KYAT3: variants seen among roughly 807,000 people sequenced by gnomAD.
The protein encoded by KYAT3 is kynurenine aminotransferase 3, also known as kynurenine--oxoglutarate transaminase 3.
Under a neutral mutation model 59.0 loss-of-function variants are expected in KYAT3, and 50 were observed. That is an observed-to-expected ratio of 0.85 (90% CI 0.68 to 1.07). KYAT3 has a LOEUF of 1.07. Ranked by LOEUF, KYAT3 falls within the 50% of genes least tolerant of loss-of-function variation. The probability of loss-of-function intolerance (pLI) is 0.00; values close to 1 mark genes in which losing one functional copy is unlikely to be tolerated. For missense variants in KYAT3, 497 were observed against 533.3 expected (o/e 0.93, Z 0.67); for synonymous variants, 148 against 177.0 (o/e 0.84, Z 1.30).
In KYAT3 at chr1:88,974,863, G is replaced by A. The variant is rs185381040; in HGVS notation, c.100-5396C>T. Among the ~76,000 whole-genome samples, 109 of 152,272 alleles carry A rather than the reference G, an allele frequency of 7.2e-4. 1 individual carries two copies. The highest frequency in any genetic ancestry group is 2.5e-3 in the African/African-American group (102 of 41,540). On this transcript the variant is annotated intron_variant, in intron 2 of 13. Coordinates refer to ENST00000260508, the MANE Select transcript of KYAT3 (RefSeq NM_001008661.3). ...AGCACTCTGTAAAATGGACCAATCA[G>A]CACTCTGTAAAATGGACCAATCGGT...
chr1:88,950,951 C>CTG (rs1675642499), intron 10 of KYAT3, among the ~76,000 whole-genome samples: 3 of 152,210 alleles, frequency 2.0e-5, no homozygotes, highest in Admixed American at 2.0e-4. Context: ...TTCTCTCAAT[C>CTG]ATTCCATTCC....
intron 4 of KYAT3, 143 bp from the exon 5 acceptor site, chr1:88,965,121 G>A (rs1483723401): frequency 2.8e-5 from 17 of 614,334 alleles, no homozygotes; most frequent in Non-Finnish European, 4.0e-5. Context: ...ATTTTTTAAT[G>A]GCAATAAATT....
intron 5 of KYAT3, 141 bp downstream of exon 5, chr1:88,964,688 T>C: frequency 1.4e-6 from 1 of 703,294 alleles, no homozygotes; most frequent in Non-Finnish European, 2.5e-6. Context: ...TTAAGATTTG[T>C]GAACTTTACT....
intron 10 of KYAT3, among the ~76,000 whole-genome samples, chr1:88,950,817 C>A (rs1675635724): frequency 6.6e-6 from 1 of 152,200 alleles, no homozygotes; most frequent in African/African-American, 2.4e-5. Context: ...ACAAGCCAGA[C>A]CAAGTCACTC....
intron 2 of KYAT3, chr1:88,983,174 T>C: frequency 6.2e-7 from 1 of 1,612,624 alleles, no homozygotes; most frequent in Middle Eastern, 2.1e-4. Flanking sequence ...TGAATAGCTG[T>C]CTTTAGTAGA....
At position 88,951,150 on chromosome 1, in the gene KYAT3, A is replaced by G. The variant is rs896707210; in HGVS notation, c.955-1873T>C. ...CAAAGATTACCCTATTTAACACTGT[A>G]TATCTCCCACCTGGAGCTTTATATC... On this transcript the variant is annotated intron_variant, in intron 10 of 13. Transcript: ENST00000260508. Among the ~76,000 whole-genome samples, 13 of 152,156 alleles carry G rather than the reference A, an allele frequency of 8.5e-5. 1 individual carries two copies. The highest frequency in any genetic ancestry group is 5.8e-4 in the East Asian group (3 of 5,180).
intron 2 of KYAT3, among the ~76,000 whole-genome samples, chr1:88,976,052 T>C (rs56025300): frequency 0.032 from 4,739 of 145,914 alleles, 220 homozygotes; most frequent in African/African-American, 0.11. Flanking sequence ...AAAAAGAGTA[T>C]ATGGAGGTAA....
intron 4 of KYAT3, among the ~76,000 whole-genome samples, chr1:88,965,612 C>T (rs539674693): frequency 2.0e-5 from 3 of 152,310 alleles, no homozygotes; most frequent in African/African-American, 7.2e-5. Context: ...CTGAAGACTC[C>T]TGGATTAGCT....
upstream of KYAT3, chr1:88,992,692 C>A (rs1677890292): frequency 6.5e-6 from 1 of 152,692 alleles, no homozygotes; most frequent in African/African-American, 2.4e-5. Flanking sequence ...CAGGGATTGA[C>A]TCTGGGGTTT....
intron 2 of KYAT3, among the ~76,000 whole-genome samples, chr1:88,987,212 A>G (rs2101096743): frequency 6.6e-6 from 1 of 152,350 alleles, no homozygotes; most frequent in South Asian, 2.1e-4. Flanking sequence ...AGTTCCACAA[A>G]TGAGGATTGT....
At chr1:88,923,013 C>T in the KYAT3 span, among the ~76,000 whole-genome samples, 7 of 152,056 alleles carry the variant, frequency 4.6e-5, no homozygotes, top group East Asian at 5.8e-4. Context: ...CACTGACACA[C>T]GGAGAAGACA....
intron 11 of KYAT3, among the ~76,000 whole-genome samples, chr1:88,947,098 C>T (rs1261671589): frequency 6.6e-6 from 1 of 152,166 alleles, no homozygotes; most frequent in Non-Finnish European, 1.5e-5. Context: ...TGGCGAGCAC[C>T]TCACTGTGGT....
chr1:88,934,139 G>A (rs1383599232), downstream of KYAT3, among the ~76,000 whole-genome samples: 1 of 152,066 alleles, frequency 6.6e-6, no homozygotes, highest in Non-Finnish European at 1.5e-5. Context: ...GAGAATGGAG[G>A]TAGCATATTT....
chr1:88,953,830 T>A (rs1200829222), intron 9 of KYAT3, among the ~76,000 whole-genome samples: 1 of 152,188 alleles, frequency 6.6e-6, no homozygotes, highest in Non-Finnish European at 1.5e-5. Flanking sequence ...CCTAAGGGAC[T>A]TGTAATTAAA....
intron 1 of KYAT3, among the ~76,000 whole-genome samples, chr1:88,991,607 G>C (rs975366477): frequency 6.6e-6 from 1 of 152,224 alleles, no homozygotes; most frequent in African/African-American, 2.4e-5. Context: ...CACGTCTTTA[G>C]AACAAGAGCG....
intron 11 of KYAT3, among the ~76,000 whole-genome samples, chr1:88,943,910 G>T (rs187666166): frequency 2.0e-5 from 3 of 152,278 alleles, no homozygotes; most frequent in Admixed American, 2.0e-4. Flanking sequence ...TAGCACATAA[G>T]TGACAAAAAG....
At chr1:88,934,957 GGATTT>G (rs1459206680), downstream of KYAT3, among the ~76,000 whole-genome samples, 7 of 150,618 alleles carry the variant, frequency 4.6e-5, no homozygotes, top group African/African-American at 1.7e-4. Flanking sequence ...GTGAAATAGT[GGATTT>G]GAAATTGTAG....
rs191531835 is a variant in KYAT3 at position 88,954,501 on chromosome 1, C to T, written c.864+648G>A. On this transcript the variant is annotated intron_variant, in intron 9 of 13. Coordinates refer to ENST00000260508, the MANE Select transcript of KYAT3 (RefSeq NM_001008661.3). ...TTAGAACCTGGTATATATTTAGAAC[C>T]TGCCAAAATATTAGCTACTATTATT... Among the ~76,000 whole-genome samples, 22 of 152,258 alleles carry T rather than the reference C, an allele frequency of 1.4e-4. No homozygotes were observed. The East Asian group carries it at 4.3e-3, about 29-fold the overall frequency.
intron 2 of KYAT3, among the ~76,000 whole-genome samples, chr1:88,986,314 A>C (rs1199377054): frequency 7.4e-6 from 1 of 134,726 alleles, no homozygotes; most frequent in Non-Finnish European, 1.5e-5. Flanking sequence ...AGACTCTCTT[A>C]AAAAAAAAAA....
Sources: gnomAD v4.1 joint callset for allele counts (sites outside exome capture counted in the v4.1 genomes callset) on GRCh38, gnomAD v4.1.1 for gene constraint, MANE v1.5 for transcripts, NCBI Gene and HGNC (gene_info 2026-07-23, HGNC 2026-07-21) for gene names.